The following CHD1L variants were observed in gnomAD, a reference collection of about 807,000 sequenced individuals.
The protein encoded by CHD1L is ATP-dependent chromatin remodeler CHD1L.
CHD1L carries 118 observed loss-of-function variants against 115.9 expected under a neutral mutation model. The ratio of observed to expected loss-of-function variants is 1.02; its 90% CI spans 0.88 to 1.19. The LOEUF (loss-of-function observed/expected upper bound fraction) is 1.19. Ranked by LOEUF, CHD1L falls within the 50% of genes most tolerant of loss-of-function variation. The pLI, the probability that CHD1L is intolerant of heterozygous loss-of-function variation, is 0.00. For synonymous variants in CHD1L, 411 were observed against 387.1 expected, an observed-to-expected ratio of 1.06 and a Z score of -0.72; for missense variants, 1,179 against 1,065.3, an observed-to-expected ratio of 1.11 and a Z score of -1.49.
chr1:147,261,736 T>G (rs587665721), intron 6 of CHD1L, among the ~76,000 whole-genome samples: 83 of 152,050 alleles, frequency 5.5e-4, no homozygotes, highest in African/African-American at 1.9e-3. Flanking sequence ...GGCTCAGGGA[T>G]TAAGTGAAGA....
chr1:147,293,471 G>T, intron 20 of CHD1L, 137 bp from the exon 21 acceptor site: 1 of 682,694 alleles, frequency 1.5e-6, no homozygotes, highest in Non-Finnish European at 2.6e-6. Context: ...GGACATTGCT[G>T]TTCAGGCATA....
intron 1 of CHD1L, among the ~76,000 whole-genome samples, chr1:147,250,835 C>G (rs1433822896): frequency 2.0e-5 from 3 of 152,074 alleles, no homozygotes; most frequent in African/African-American, 4.8e-5. Context: ...GGCTGTGTCC[C>G]CAACCACATC....
intron 1 of CHD1L, among the ~76,000 whole-genome samples, chr1:147,251,480 C>G (rs1668383181): frequency 6.6e-6 from 1 of 152,110 alleles, no homozygotes. Flanking sequence ...AATACCTACT[C>G]CATAGAATCA....
chr1:147,270,871 A>C, intron 10 of CHD1L, 61 bp from the exon 11 acceptor site: 1 of 1,388,876 alleles, frequency 7.2e-7, no homozygotes, highest in Non-Finnish European at 1.0e-6. Context: ...ATTTTGCCTG[A>C]GGGAAATTGA....
chr1:147,184,529 C>A, the CHD1L span: 2 of 1,548,156 alleles, frequency 1.3e-6, no homozygotes, highest in Non-Finnish European at 1.7e-6. This position sits in a 1 kb window ranked among gnomAD's most constrained non-coding sequence, Gnocchi z 4.4. Context: ...GGGACAATTT[C>A]TCAGACTTTC....
At chr1:147,228,824 T>C in the CHD1L span, among the ~76,000 whole-genome samples, 1 of 152,248 alleles carries the variant, frequency 6.6e-6, no homozygotes, top group African/African-American at 2.4e-5. Flanking sequence ...GAAGTGTCTC[T>C]TCATTTCCTT....
At chr1:147,285,192 A>C in intron 16 of CHD1L, 132 bp from the exon 17 acceptor site, 2 of 1,025,650 alleles carry the variant, frequency 1.9e-6, no homozygotes, top group Middle Eastern at 2.7e-4. Context: ...AGTTCCCACC[A>C]TGCAGGGTGT....
the CHD1L span, among the ~76,000 whole-genome samples, chr1:147,196,972 T>C: frequency 2.6e-5 from 4 of 152,202 alleles, no homozygotes; most frequent in Non-Finnish European, 4.4e-5. Context: ...TACTGACCTA[T>C]TTCCCATTTC....
intron 22 of CHD1L, among the ~76,000 whole-genome samples, chr1:147,295,176 T>G (rs1162227990): frequency 6.6e-6 from 1 of 152,238 alleles, no homozygotes; most frequent in Admixed American, 6.5e-5. Flanking sequence ...GTCTTCAAGA[T>G]ATTTAAATCA....
chr1:147,177,517 A>G, the CHD1L span, among the ~76,000 whole-genome samples: 10 of 152,330 alleles, frequency 6.6e-5, no homozygotes, highest in African/African-American at 2.4e-4. Flanking sequence ...AGAGCGCAGT[A>G]TGGAAAGGAG....
At position 147,252,733 on chromosome 1, in the gene CHD1L, C is replaced by A; in HGVS notation, c.238C>A (p.Gln80Lys). The change falls in exon 2 of 23, where the codon CAG becomes AAG. Residue 80 changes from glutamine (Q) to lysine (K), a missense_variant and splice_region_variant. Transcript: ENST00000369258. ...TGAGATGGGCCTGGGGAAGACCTGC[C>A]AGGTGTGTTACTATGCGACGAGTAC... ...GDEMGLGKTCQTIALFIYLAG... is the reference protein window; with the variant it reads ...GDEMGLGKTCKTIALFIYLAG... 1 of 1,611,614 alleles carries A rather than the reference C, an allele frequency of 6.2e-7. No homozygotes were observed. Among genetic ancestry groups the A allele is most frequent in the Non-Finnish European group, 8.5e-7 (1 of 1,177,948 alleles).
At chr1:147,183,883 C>T in the CHD1L span, among the ~76,000 whole-genome samples, 1 of 152,274 alleles carries the variant, frequency 6.6e-6, no homozygotes, top group South Asian at 2.1e-4. Context: ...TATGAATGTA[C>T]ATGACATCAA....
the CHD1L span, chr1:147,178,187 C>G: frequency 3.8e-4 from 605 of 1,612,328 alleles, 6 homozygotes; most frequent in South Asian, 5.1e-3. Flanking sequence ...GCGGCTGCCT[C>G]CGACGTGCTA....
the CHD1L span, among the ~76,000 whole-genome samples, chr1:147,218,436 C>T: frequency 1.3e-5 from 2 of 151,792 alleles, no homozygotes; most frequent in Non-Finnish European, 2.9e-5. Flanking sequence ...ACGGGTTTCA[C>T]CATGTTAGCC....
chr1:147,222,969 C>A, the CHD1L span, among the ~76,000 whole-genome samples: 2 of 152,178 alleles, frequency 1.3e-5, no homozygotes, highest in Admixed American at 6.5e-5. Context: ...TGAATAATAA[C>A]CAACATGTAA....
intron 1 of CHD1L, among the ~76,000 whole-genome samples, chr1:147,247,083 T>C (rs1666864719): frequency 6.6e-6 from 1 of 152,206 alleles, no homozygotes; most frequent in African/African-American, 2.4e-5. Context: ...ATGGACTGTT[T>C]AGAAAGAAGT....
At chr1:147,276,995 T>C (rs1678742648) in intron 14 of CHD1L, among the ~76,000 whole-genome samples, 1 of 152,088 alleles carries the variant, frequency 6.6e-6, no homozygotes, top group African/African-American at 2.4e-5. Flanking sequence ...GTGAGAAACA[T>C]TGCAAAAGAA....
At chr1:147,177,483 T>G in the CHD1L span, among the ~76,000 whole-genome samples, 1 of 151,824 alleles carries the variant, frequency 6.6e-6, no homozygotes, top group East Asian at 1.9e-4. Flanking sequence ...TAAGCATGAG[T>G]CAAGCCTAGT....
At chr1:147,214,124 G>A in the CHD1L span, among the ~76,000 whole-genome samples, 1 of 152,160 alleles carries the variant, frequency 6.6e-6, no homozygotes, top group South Asian at 2.1e-4. Flanking sequence ...TGCTTCTACG[G>A]GCCCATGACC....
Sources: allele counts gnomAD v4.1 joint callset (sites outside exome capture counted in the v4.1 genomes callset), GRCh38; gene constraint gnomAD v4.1.1; non-coding constraint Gnocchi (gnomAD v3.1); transcripts MANE v1.5; gene names NCBI Gene and HGNC (gene_info 2026-07-23, HGNC 2026-07-21).